RGPD2: variants seen among roughly 807,000 people sequenced by gnomAD.
RGPD2 encodes the protein RANBP2-like and GRIP domain-containing protein 2.
A neutral mutation model predicts 36.0 loss-of-function variants in RGPD2; 2 were observed. The observed-to-expected ratio is 0.06, with a 90% CI of 0.02 to 0.17. The LOEUF (loss-of-function observed/expected upper bound fraction) is 0.17, where lower values mean the gene tolerates loss of function less well. Among genes scored for constraint, RGPD2 ranks in the 10% least tolerant of loss-of-function variants. The pLI is 1.00. For synonymous variants in RGPD2, 19 were observed against 163.8 expected (o/e 0.12, Z 6.75); for missense variants, 40 against 464.3 (o/e 0.09, Z 8.40).
At chr2:87,921,085 A>C in the RGPD2 span, among the ~76,000 whole-genome samples, 4 of 150,360 alleles carry the variant, frequency 2.7e-5, no homozygotes, top group African/African-American at 7.3e-5. Context: ...GCCTAGACAA[A>C]AGAGTTTGGA....
chr2:87,857,677 G>A, the RGPD2 span, among the ~76,000 whole-genome samples: 652 of 150,570 alleles, frequency 4.3e-3, no homozygotes, highest in Non-Finnish European at 6.7e-3. Context: ...GGTGTCTCAC[G>A]CCTGTAATCT....
the RGPD2 span, among the ~76,000 whole-genome samples, chr2:87,857,532 C>T: frequency 0.18 from 24,908 of 137,164 alleles, 468 homozygotes; most frequent in Non-Finnish European, 0.25. Flanking sequence ...TTAGTAGAGA[C>T]GGGGTTTCAC....
At chr2:87,882,551 T>C in the RGPD2 span, among the ~76,000 whole-genome samples, 1 of 152,234 alleles carries the variant, frequency 6.6e-6, no homozygotes. Context: ...GCTTTGTCCT[T>C]TTTGGTCAAG....
the RGPD2 span, among the ~76,000 whole-genome samples, chr2:87,853,867 GGCT>G: frequency 2.6e-5 from 4 of 152,012 alleles, no homozygotes. Flanking sequence ...TCAAGGCCTA[GGCT>G]GACTATTTGT....
intron 8 of RGPD2, among the ~76,000 whole-genome samples, chr2:87,798,659 T>A (rs1339023866): frequency 9.9e-6 from 1 of 100,720 alleles, no homozygotes; most frequent in Non-Finnish European, 2.1e-5. Context: ...ATCAAGACCA[T>A]CCTGGCTAAC....
chr2:87,814,856 G>A (rs1243738990), intron 4 of RGPD2, among the ~76,000 whole-genome samples: 2 of 15,244 alleles, frequency 1.3e-4, no homozygotes, highest in African/African-American at 3.7e-4. Flanking sequence ...CCGAGATTGC[G>A]CCAGTGAACT....
chr2:87,910,110 T>C, the RGPD2 span, among the ~76,000 whole-genome samples: 1 of 116,552 alleles, frequency 8.6e-6, no homozygotes, highest in Admixed American at 9.6e-5. Flanking sequence ...ATTCAAGGTT[T>C]GTGAAGGATA....
At chr2:87,885,924 A>AT in the RGPD2 span, among the ~76,000 whole-genome samples, 2 of 152,180 alleles carry the variant, frequency 1.3e-5, no homozygotes, top group South Asian at 2.1e-4. Context: ...ATCACAGATG[A>AT]TTTTTTACAC....
chr2:87,915,220 G>A, the RGPD2 span, among the ~76,000 whole-genome samples: 1 of 149,658 alleles, frequency 6.7e-6, no homozygotes, highest in Non-Finnish European at 1.5e-5. Context: ...TGTTATTTTT[G>A]CCCTGATATA....
the RGPD2 span, among the ~76,000 whole-genome samples, chr2:87,938,416 G>A: frequency 0.61 from 87,031 of 143,080 alleles, 30,246 homozygotes; most frequent in Non-Finnish European, 0.77. Flanking sequence ...AGGTTATTAT[G>A]AAGAATTTAA....
the RGPD2 span, among the ~76,000 whole-genome samples, chr2:87,842,384 AT>A: frequency 2.7e-5 from 4 of 149,670 alleles, no homozygotes; most frequent in Non-Finnish European, 5.9e-5. Flanking sequence ...AAATCAATGT[AT>A]AAAAATCGCA....
the RGPD2 span, among the ~76,000 whole-genome samples, chr2:87,955,312 G>T: frequency 2.4e-4 from 34 of 143,076 alleles, no homozygotes; most frequent in Non-Finnish European, 4.4e-4. Context: ...ACCGCGCCCG[G>T]CCGAAAAGTT....
At chr2:87,964,937 T>G in the RGPD2 span, among the ~76,000 whole-genome samples, 1 of 151,838 alleles carries the variant, frequency 6.6e-6, no homozygotes, top group Non-Finnish European at 1.5e-5. Flanking sequence ...CTAAATAGCA[T>G]ATGTATAGTT....
the RGPD2 span, among the ~76,000 whole-genome samples, chr2:87,973,519 A>T: frequency 1.4e-3 from 186 of 137,074 alleles, 7 homozygotes; most frequent in Middle Eastern, 7.2e-3. Flanking sequence ...GCCCACCAGA[A>T]ACAGCCCTAG....
chr2:87,989,084 T>A, the RGPD2 span: 1 of 395,980 alleles, frequency 2.5e-6, no homozygotes, highest in Non-Finnish European at 4.5e-6. Flanking sequence ...CTTCATGTCT[T>A]ATAAATGAAA....
the RGPD2 span, among the ~76,000 whole-genome samples, chr2:87,963,122 TAAG>T: frequency 6.6e-6 from 1 of 151,110 alleles, no homozygotes; most frequent in Non-Finnish European, 1.5e-5. Context: ...TCTCAAATAA[TAAG>T]AATAATAATA....
At chr2:87,769,079 T>C (rs1370900658) in intron 22 of RGPD2, among the ~76,000 whole-genome samples, 2 of 74,078 alleles carry the variant, frequency 2.7e-5, no homozygotes, top group Non-Finnish European at 2.8e-5. Context: ...GCAGTTCTCC[T>C]ACCTCAGCCT....
the RGPD2 span, among the ~76,000 whole-genome samples, chr2:87,846,218 G>A: frequency 1.3e-5 from 2 of 151,588 alleles, no homozygotes; most frequent in Non-Finnish European, 2.9e-5. Context: ...ACTTATTTAA[G>A]GAGTACAATT....
the RGPD2 span, chr2:87,972,722 C>G: frequency 6.2e-6 from 10 of 1,610,048 alleles, no homozygotes; most frequent in Non-Finnish European, 7.6e-6. Context: ...GCCGCAACAG[C>G]AGCTTCGAGA....
Sources: gnomAD v4.1 joint callset for allele counts (sites outside exome capture counted in the v4.1 genomes callset) on GRCh38, gnomAD v4.1.1 for gene constraint, MANE v1.5 for transcripts, NCBI Gene and HGNC (gene_info 2026-07-23, HGNC 2026-07-21) for gene names.